Variants in RIT2 observed in about 807,000 individuals in gnomAD.
RIT2 encodes GTP-binding protein Rit2.
In RIT2, 24 loss-of-function variants were observed where a neutral mutation model predicts 23.7. The observed-to-expected ratio is 1.01, with a 90% confidence interval of 0.73 to 1.43. RIT2 has a LOEUF of 1.43. Ranked by LOEUF, RIT2 falls within the 40% of genes most tolerant of loss-of-function variation. The probability of loss-of-function intolerance (pLI) is 0.00; values close to 1 mark genes in which losing one functional copy is unlikely to be tolerated. For missense variants in RIT2, 236 were observed against 266.9 expected, an observed-to-expected ratio of 0.88 and a Z score of 0.81; for synonymous variants, 107 against 91.1, an observed-to-expected ratio of 1.17 and a Z score of -0.99.
chr18:43,026,620 GAAAGAAAGAA>G (rs1348684127), intron 2 of RIT2, among the ~76,000 whole-genome samples: 1 of 141,850 alleles, frequency 7.0e-6, no homozygotes, highest in African/African-American at 2.5e-5. Context: ...AAGAAAGAAA[GAAAGAAAGAA>G]AGAAAGAGAG....
intron 1 of RIT2, among the ~76,000 whole-genome samples, chr18:43,096,869 G>A (rs1913567060): frequency 6.6e-6 from 1 of 151,792 alleles, no homozygotes; most frequent in African/African-American, 2.4e-5. Flanking sequence ...TCTTGAATAA[G>A]TAAATTTTGA....
intron 4 of RIT2, among the ~76,000 whole-genome samples, chr18:42,898,183 C>T (rs541197806): frequency 3.7e-4 from 56 of 152,248 alleles, no homozygotes; most frequent in African/African-American, 1.0e-3. Flanking sequence ...AGGCAGATCA[C>T]ATGAGGCCAG....
At chr18:42,745,002 G>C (rs563512600) in intron 4 of RIT2, among the ~76,000 whole-genome samples, 3 of 151,936 alleles carry the variant, frequency 2.0e-5, no homozygotes, top group Non-Finnish European at 4.4e-5. Flanking sequence ...TACAGCTCCT[G>C]GTGCCTACAT....
At chr18:42,867,312 C>G (rs552454356) in intron 4 of RIT2, among the ~76,000 whole-genome samples, 1 of 152,058 alleles carries the variant, frequency 6.6e-6, no homozygotes, top group Non-Finnish European at 1.5e-5. Context: ...GTCCTGTATT[C>G]CTGATTCGGT....
At chr18:43,094,773 A>T (rs1913510105) in intron 1 of RIT2, among the ~76,000 whole-genome samples, 1 of 152,072 alleles carries the variant, frequency 6.6e-6, no homozygotes, top group African/African-American at 2.4e-5. Context: ...AAGTGTTCTC[A>T]TTGTTCAATT....
At chr18:42,833,386 T>C (rs1388063531) in intron 4 of RIT2, among the ~76,000 whole-genome samples, 2 of 152,212 alleles carry the variant, frequency 1.3e-5, no homozygotes, top group African/African-American at 2.4e-5. Context: ...CATTCCTTTG[T>C]TGATGAACAT....
chr18:42,770,775 T>A (rs511729), intron 4 of RIT2, among the ~76,000 whole-genome samples: 1 of 150,268 alleles, frequency 6.7e-6, no homozygotes, highest in Non-Finnish European at 1.5e-5. Context: ...TACAATCTTT[T>A]CACTGACACT....
chr18:42,924,192 T>C (rs1909125904), intron 3 of RIT2, among the ~76,000 whole-genome samples: 1 of 152,082 alleles, frequency 6.6e-6, no homozygotes, highest in Admixed American at 6.6e-5. Context: ...CAAATGAAAG[T>C]TGGTTTGTAT....
chr18:43,069,223 A>G (rs1802604816), intron 1 of RIT2, among the ~76,000 whole-genome samples: 1 of 149,312 alleles, frequency 6.7e-6, no homozygotes, highest in South Asian at 2.2e-4. Flanking sequence ...TTGTTATCCT[A>G]TATATAAACA....
intron 1 of RIT2, among the ~76,000 whole-genome samples, chr18:43,112,323 G>T (rs1039396269): frequency 6.6e-6 from 1 of 152,034 alleles, no homozygotes; most frequent in South Asian, 2.1e-4. Flanking sequence ...TAGAAATACC[G>T]ACTCTGACTG....
intron 2 of RIT2, among the ~76,000 whole-genome samples, chr18:42,992,686 T>C (rs1379210765): frequency 6.6e-6 from 1 of 152,144 alleles, no homozygotes; most frequent in African/African-American, 2.4e-5. Context: ...CCCAGCAATT[T>C]CCTCTTAAAA....
At chr18:42,851,089 G>A (rs1464486044) in intron 4 of RIT2, among the ~76,000 whole-genome samples, 1 of 152,130 alleles carries the variant, frequency 6.6e-6, no homozygotes, top group Non-Finnish European at 1.5e-5. Flanking sequence ...CAGTGCAAAT[G>A]ACCAAACTTT....
At chr18:43,106,297 C>T (rs1464237608) in intron 1 of RIT2, among the ~76,000 whole-genome samples, 2 of 152,180 alleles carry the variant, frequency 1.3e-5, no homozygotes, top group Non-Finnish European at 2.9e-5. Context: ...CACAAACACA[C>T]ACTTTATTGC....
At chr18:42,982,016 T>C (rs1436515588) in intron 2 of RIT2, among the ~76,000 whole-genome samples, 1 of 152,210 alleles carries the variant, frequency 6.6e-6, no homozygotes, top group African/African-American at 2.4e-5. Context: ...GAATCCATGA[T>C]GGGTCACTAC....
At chr18:43,034,969 G>A (rs1407484190) in intron 1 of RIT2, among the ~76,000 whole-genome samples, 1 of 152,100 alleles carries the variant, frequency 6.6e-6, no homozygotes, top group Non-Finnish European at 1.5e-5. Context: ...GTTTGGAATT[G>A]AGCCCAGTTC....
At chr18:42,953,153 T>C (rs952262517) in intron 3 of RIT2, among the ~76,000 whole-genome samples, 1 of 152,138 alleles carries the variant, frequency 6.6e-6, no homozygotes, top group African/African-American at 2.4e-5. Flanking sequence ...TCTTTTTGTC[T>C]TTGTGATCAT....
intron 4 of RIT2, among the ~76,000 whole-genome samples, chr18:42,754,483 C>A (rs1472144036): frequency 1.3e-5 from 2 of 152,008 alleles, no homozygotes; most frequent in African/African-American, 4.8e-5. Flanking sequence ...CTTTTTTTCC[C>A]CTATCTGGAA....
At chr18:42,829,356 A>G (rs186758071) in intron 4 of RIT2, among the ~76,000 whole-genome samples, 1 of 152,328 alleles carries the variant, frequency 6.6e-6, no homozygotes, top group East Asian at 1.9e-4. Context: ...ATCTCTTCAT[A>G]TAAAATCTGG....
intron 4 of RIT2, among the ~76,000 whole-genome samples, chr18:42,912,110 C>T (rs1197230078): frequency 6.6e-6 from 1 of 150,938 alleles, no homozygotes; most frequent in Non-Finnish European, 1.5e-5. Flanking sequence ...TGATTTATTC[C>T]AGGTATGTGA....
Sources: allele counts gnomAD v4.1 joint callset (sites outside exome capture counted in the v4.1 genomes callset), GRCh38; gene constraint gnomAD v4.1.1; transcripts MANE v1.5; gene names NCBI Gene and HGNC (gene_info 2026-07-23, HGNC 2026-07-21).